The following CCBE1 variants were observed in gnomAD, a reference collection of about 807,000 sequenced individuals.
CCBE1 encodes collagen and calcium-binding EGF domain-containing protein 1.
A neutral mutation model predicts 50.0 loss-of-function variants in CCBE1; 37 were observed. The ratio of observed to expected loss-of-function variants is 0.74; its 90% confidence interval spans 0.57 to 0.97. The LOEUF is 0.97. Ranked by LOEUF, CCBE1 falls within the 50% of genes least tolerant of loss-of-function variation. CCBE1 has a pLI of 0.00. For missense variants in CCBE1, 538 were observed against 523.8 expected (o/e 1.03, Z -0.26); for synonymous variants, 234 against 203.7 (o/e 1.15, Z -1.27).
chr18:59,578,762 C>T (rs1485169557), intron 2 of CCBE1, among the ~76,000 whole-genome samples: 1 of 152,106 alleles, frequency 6.6e-6, no homozygotes, highest in Non-Finnish European at 1.5e-5. Context: ...AACACATGGA[C>T]ACAAGGAGGG....
intron 2 of CCBE1, among the ~76,000 whole-genome samples, chr18:59,669,263 A>G (rs1016660257): frequency 6.6e-6 from 1 of 152,170 alleles, no homozygotes; most frequent in African/African-American, 2.4e-5. Context: ...TATTGTTTAT[A>G]AACATTAAAA....
chr18:59,470,323 A>T (rs921399424), intron 3 of CCBE1, among the ~76,000 whole-genome samples: 2 of 152,008 alleles, frequency 1.3e-5, no homozygotes, highest in Non-Finnish European at 2.9e-5. Context: ...CATGGGAAAG[A>T]CCCACCCCAT....
intron 2 of CCBE1, among the ~76,000 whole-genome samples, chr18:59,589,294 A>G (rs2053224540): frequency 1.3e-5 from 2 of 152,322 alleles, no homozygotes; most frequent in East Asian, 1.9e-4. Flanking sequence ...AAACTCACCA[A>G]TTTTACATAA....
intron 2 of CCBE1, among the ~76,000 whole-genome samples, chr18:59,662,328 T>C (rs1326494346): frequency 6.6e-6 from 1 of 152,228 alleles, no homozygotes; most frequent in Non-Finnish European, 1.5e-5. Flanking sequence ...GAAAGTTCTG[T>C]ACTGATTTGG....
chr18:59,671,786 A>G (rs1340474355), intron 2 of CCBE1, among the ~76,000 whole-genome samples: 2 of 143,058 alleles, frequency 1.4e-5, no homozygotes, highest in African/African-American at 5.2e-5. Context: ...TATGTGTCAG[A>G]TTAGATAAAA....
At chr18:59,667,672 G>C (rs945764246) in intron 2 of CCBE1, among the ~76,000 whole-genome samples, 1 of 152,170 alleles carries the variant, frequency 6.6e-6, no homozygotes, top group Non-Finnish European at 1.5e-5. Flanking sequence ...CCCCTGATCA[G>C]CTGCTGGGTG....
intron 2 of CCBE1, among the ~76,000 whole-genome samples, chr18:59,636,359 A>T (rs9955261): frequency 0.035 from 5,323 of 152,318 alleles, 315 homozygotes; most frequent in African/African-American, 0.12. Context: ...GAACATTTTT[A>T]ACCGTAGACC....
chr18:59,562,607 G>A (rs542045169), intron 2 of CCBE1, among the ~76,000 whole-genome samples: 5 of 152,332 alleles, frequency 3.3e-5, no homozygotes, highest in South Asian at 2.1e-4. Flanking sequence ...ACACGCGTAC[G>A]TTCTGGCCGG....
chr18:59,475,374 C>T (rs1256611513), intron 3 of CCBE1, among the ~76,000 whole-genome samples: 5 of 152,168 alleles, frequency 3.3e-5, no homozygotes, highest in African/African-American at 1.2e-4. Flanking sequence ...ATAAATGGTT[C>T]GCTCCTGTAT....
At chr18:59,516,229 G>C (rs1914364663) in intron 2 of CCBE1, among the ~76,000 whole-genome samples, 1 of 151,690 alleles carries the variant, frequency 6.6e-6, no homozygotes, top group African/African-American at 2.4e-5. Context: ...AAAGTGCTGG[G>C]ATTACAGTTT....
intron 4 of CCBE1, among the ~76,000 whole-genome samples, chr18:59,467,406 A>G (rs1911802322): frequency 6.6e-6 from 1 of 152,178 alleles, no homozygotes; most frequent in Non-Finnish European, 1.5e-5. Context: ...TCCCAGTTAA[A>G]AGCCATGATG....
intron 3 of CCBE1, 29 bp downstream of exon 3, chr18:59,480,157 T>C: frequency 7.2e-7 from 1 of 1,383,040 alleles, no homozygotes. Context: ...GTGAATAAAG[T>C]CAGACAATAT....
intron 2 of CCBE1, among the ~76,000 whole-genome samples, chr18:59,630,798 T>C (rs963443094): frequency 6.6e-6 from 1 of 152,202 alleles, no homozygotes; most frequent in African/African-American, 2.4e-5. Context: ...ACACAATGTA[T>C]CTTTGATTTT....
At chr18:59,642,909 A>T (rs577123470) in intron 2 of CCBE1, among the ~76,000 whole-genome samples, 30 of 143,858 alleles carry the variant, frequency 2.1e-4, no homozygotes, top group Non-Finnish European at 3.9e-4. Context: ...AGATCGTGCC[A>T]CTGCACTCCA....
chr18:59,483,554 G>T (rs609935), intron 2 of CCBE1, among the ~76,000 whole-genome samples: 43,244 of 151,968 alleles, frequency 0.28, 6,205 homozygotes, highest in African/African-American at 0.3. Flanking sequence ...AACATTCCTA[G>T]GAGAAACTTA....
chr18:59,696,492 C>A (rs889872594), intron 2 of CCBE1, 137 bp downstream of exon 2: 66 of 1,533,204 alleles, frequency 4.3e-5, no homozygotes, highest in Middle Eastern at 4.7e-4. Flanking sequence ...TCGCACCGCG[C>A]GGCACGCACC....
chr18:59,529,483 T>G (rs1208734435), intron 2 of CCBE1, among the ~76,000 whole-genome samples: 1 of 152,182 alleles, frequency 6.6e-6, no homozygotes, highest in Non-Finnish European at 1.5e-5. Context: ...AAGGCCCTGG[T>G]GGTGTGGGCT....
intron 2 of CCBE1, among the ~76,000 whole-genome samples, chr18:59,621,664 G>A (rs1181030910): frequency 6.6e-6 from 1 of 152,136 alleles, no homozygotes; most frequent in East Asian, 1.9e-4. Flanking sequence ...ACCTACCAGA[G>A]TCACACCATC....
chr18:59,557,331 A>C (rs1430148175), intron 2 of CCBE1, among the ~76,000 whole-genome samples: 1 of 152,106 alleles, frequency 6.6e-6, no homozygotes, highest in Non-Finnish European at 1.5e-5. Flanking sequence ...CGGCACCCAC[A>C]CAACTGCATG....
Sources: allele counts gnomAD v4.1 joint callset (sites outside exome capture counted in the v4.1 genomes callset), GRCh38; gene constraint gnomAD v4.1.1; transcripts MANE v1.5; gene names NCBI Gene and HGNC (gene_info 2026-07-23, HGNC 2026-07-21).